GPC5: variants seen among roughly 807,000 people sequenced by gnomAD.
GPC5 encodes glypican 5.
Under a neutral mutation model 53.9 loss-of-function variants are expected in GPC5, and 47 were observed. The ratio of observed to expected loss-of-function variants is 0.87; its 90% CI spans 0.69 to 1.11. The LOEUF is 1.11. GPC5 is among the 50% of genes most tolerant of loss of function. GPC5 has a pLI of 0.00. For missense variants in GPC5, 748 were observed against 713.1 expected (o/e 1.05, Z -0.56); for synonymous variants, 286 against 263.3 (o/e 1.09, Z -0.84).
At chr13:91,541,045 C>A (rs1051947422) in intron 2 of GPC5, among the ~76,000 whole-genome samples, 3 of 152,096 alleles carry the variant, frequency 2.0e-5, no homozygotes, top group African/African-American at 7.2e-5. Flanking sequence ...AATTATATCT[C>A]AAAAAATGTT....
At chr13:92,495,146 A>T (rs778421924) in intron 7 of GPC5, among the ~76,000 whole-genome samples, 1 of 152,232 alleles carries the variant, frequency 6.6e-6, no homozygotes, top group Non-Finnish European at 1.5e-5. Context: ...CAGCACGCTG[A>T]AAATAATATT....
At chr13:92,809,453 T>C (rs1259609263) in intron 7 of GPC5, among the ~76,000 whole-genome samples, 6 of 152,140 alleles carry the variant, frequency 3.9e-5, no homozygotes, top group Non-Finnish European at 8.8e-5. Context: ...TGTGGTACAC[T>C]TGTCAAAAAT....
intron 7 of GPC5, among the ~76,000 whole-genome samples, chr13:92,691,773 T>G (rs904369305): frequency 6.8e-6 from 1 of 147,200 alleles, no homozygotes; most frequent in Admixed American, 6.7e-5. Flanking sequence ...GTTTTAGGGT[T>G]TTTTTTTTTT....
intron 6 of GPC5, among the ~76,000 whole-genome samples, chr13:91,930,416 T>G (rs2039810534): frequency 6.6e-6 from 1 of 152,050 alleles, no homozygotes; most frequent in Non-Finnish European, 1.5e-5. Flanking sequence ...ATATTTTCAT[T>G]TTTGAACAAC....
intron 7 of GPC5, among the ~76,000 whole-genome samples, chr13:92,623,975 C>T (rs1256271790): frequency 6.6e-5 from 10 of 151,964 alleles, no homozygotes; most frequent in Non-Finnish European, 1.3e-4. Flanking sequence ...CTGTCTTAGC[C>T]TCCCAAGTAG....
chr13:92,836,339 A>G (rs1452739362), intron 7 of GPC5, among the ~76,000 whole-genome samples: 2 of 152,086 alleles, frequency 1.3e-5, no homozygotes, highest in Non-Finnish European at 2.9e-5. Flanking sequence ...AATATTATGC[A>G]AGATTAGGAT....
At chr13:91,752,068 T>A (rs958683050) in intron 4 of GPC5, among the ~76,000 whole-genome samples, 4 of 152,230 alleles carry the variant, frequency 2.6e-5, no homozygotes, top group Admixed American at 2.0e-4. Flanking sequence ...TGCAGATGGC[T>A]GCCTTCACCC....
chr13:91,696,226 T>C (rs1340535264), intron 3 of GPC5, among the ~76,000 whole-genome samples: 1 of 152,168 alleles, frequency 6.6e-6, no homozygotes, highest in Non-Finnish European at 1.5e-5. Context: ...CCTAAAGAAG[T>C]TTTATACACA....
intron 1 of GPC5, among the ~76,000 whole-genome samples, chr13:91,401,398 T>C (rs751875845): frequency 9.2e-5 from 14 of 152,200 alleles, no homozygotes; most frequent in Non-Finnish European, 1.8e-4. Context: ...CTACAACATT[T>C]AACATGATTG....
intron 5 of GPC5, among the ~76,000 whole-genome samples, chr13:91,819,653 G>A (rs2038459351): frequency 6.6e-6 from 1 of 151,918 alleles, no homozygotes; most frequent in Admixed American, 6.6e-5. Flanking sequence ...CTATTCTATT[G>A]CTGATGGATA....
intron 6 of GPC5, among the ~76,000 whole-genome samples, chr13:92,038,450 T>C (rs10161584): frequency 5.7e-4 from 86 of 151,616 alleles, no homozygotes; most frequent in African/African-American, 2.0e-3. Flanking sequence ...AGTATAGATC[T>C]ATGTAGTATA....
chr13:91,584,146 G>A (rs568325575), intron 2 of GPC5, among the ~76,000 whole-genome samples: 7 of 152,240 alleles, frequency 4.6e-5, no homozygotes, highest in African/African-American at 7.2e-5. Flanking sequence ...AGAGGCCGCC[G>A]AAGAAACCAG....
At chr13:92,076,372 A>C (rs886991617) in intron 6 of GPC5, among the ~76,000 whole-genome samples, 2 of 152,082 alleles carry the variant, frequency 1.3e-5, no homozygotes, top group Non-Finnish European at 2.9e-5. Context: ...CGCCTGGCGA[A>C]AGTATAATTT....
chr13:92,144,031 C>T (rs911359853), intron 6 of GPC5, among the ~76,000 whole-genome samples: 5 of 152,076 alleles, frequency 3.3e-5, no homozygotes, highest in Admixed American at 1.3e-4. Context: ...TAACATACTG[C>T]ATTGGACTAT....
chr13:91,707,835 T>A (rs2036140303), intron 3 of GPC5, among the ~76,000 whole-genome samples: 1 of 151,590 alleles, frequency 6.6e-6, no homozygotes. Flanking sequence ...AATATATATA[T>A]ATCCACAAAA....
intron 2 of GPC5, among the ~76,000 whole-genome samples, chr13:91,601,393 G>A (rs970263483): frequency 7.2e-4 from 110 of 152,278 alleles, no homozygotes; most frequent in Middle Eastern, 3.4e-3. Context: ...GATAAAATAA[G>A]GGAGAAGGGC....
intron 2 of GPC5, among the ~76,000 whole-genome samples, chr13:91,676,744 A>G (rs954009762): frequency 3.3e-5 from 5 of 152,234 alleles, no homozygotes; most frequent in African/African-American, 1.2e-4. Flanking sequence ...AAAACACTGC[A>G]TAAATTGTAT....
chr13:91,735,122 A>G (rs2036786142), intron 4 of GPC5, among the ~76,000 whole-genome samples: 1 of 151,314 alleles, frequency 6.6e-6, no homozygotes, highest in South Asian at 2.1e-4. Flanking sequence ...CTTAACTTTG[A>G]TATCAAGGTT....
At chr13:92,052,521 C>G (rs993229191) in intron 6 of GPC5, among the ~76,000 whole-genome samples, 1 of 152,188 alleles carries the variant, frequency 6.6e-6, no homozygotes, top group Non-Finnish European at 1.5e-5. Context: ...GTCCATTTTA[C>G]AGAGCACTGA....
Sources: gnomAD v4.1 joint callset for allele counts (sites outside exome capture counted in the v4.1 genomes callset) on GRCh38, gnomAD v4.1.1 for gene constraint, MANE v1.5 for transcripts, NCBI Gene and HGNC (gene_info 2026-07-23, HGNC 2026-07-21) for gene names.